The following NKAIN2 variants were observed in gnomAD, a reference collection of about 807,000 sequenced individuals.
NKAIN2 encodes the protein sodium/potassium transporting ATPase interacting 2, also known as sodium/potassium-transporting ATPase subunit beta-1-interacting protein 2.
Under a neutral mutation model 32.6 loss-of-function variants are expected in NKAIN2, and 14 were observed. The ratio of observed to expected loss-of-function variants is 0.43; its 90% confidence interval spans 0.28 to 0.67. The LOEUF is 0.67. Ranked by LOEUF, NKAIN2 falls within the 30% of genes least tolerant of loss-of-function variation. The pLI, the probability that NKAIN2 is intolerant of heterozygous loss-of-function variation, is 0.17. For missense variants in NKAIN2, 198 were observed against 258.3 expected (o/e 0.77, Z 1.60); for synonymous variants, 80 against 87.2 (o/e 0.92, Z 0.46).
intron 2 of NKAIN2, among the ~76,000 whole-genome samples, chr6:124,295,152 G>A (rs2114958965): frequency 6.6e-6 from 1 of 152,208 alleles, no homozygotes; most frequent in East Asian, 1.9e-4. Context: ...AGTGTTTGAT[G>A]GGGAGTTTCT....
intron 2 of NKAIN2, among the ~76,000 whole-genome samples, chr6:124,290,935 G>A (rs1213098780): frequency 1.3e-5 from 2 of 151,980 alleles, no homozygotes; most frequent in Non-Finnish European, 2.9e-5. Flanking sequence ...TTACTCCGAT[G>A]TCAACTGTTT....
chr6:124,209,486 C>T (rs764714179), intron 1 of NKAIN2, among the ~76,000 whole-genome samples: 17 of 151,718 alleles, frequency 1.1e-4, no homozygotes, highest in South Asian at 6.2e-4. Context: ...ATTTCTGGAT[C>T]GTATGTTAGT....
chr6:124,633,739 G>A (rs565286315), intron 3 of NKAIN2, among the ~76,000 whole-genome samples: 21 of 152,170 alleles, frequency 1.4e-4, no homozygotes, highest in Non-Finnish European at 2.2e-4. Flanking sequence ...AAAATCTTTG[G>A]AGCCCAGTAC....
At chr6:124,524,229 A>C (rs1779226857) in intron 3 of NKAIN2, among the ~76,000 whole-genome samples, 2 of 152,226 alleles carry the variant, frequency 1.3e-5, no homozygotes, top group South Asian at 4.1e-4. Context: ...ACAAATTTAT[A>C]AGAAATGCAC....
chr6:124,292,020 C>G (rs1795836176), intron 2 of NKAIN2, among the ~76,000 whole-genome samples: 1 of 152,238 alleles, frequency 6.6e-6, no homozygotes, highest in East Asian at 1.9e-4. Flanking sequence ...ATTCTTGATG[C>G]TTTTCAACAT....
chr6:124,404,132 C>A (rs1773743233), intron 3 of NKAIN2, among the ~76,000 whole-genome samples: 1 of 151,950 alleles, frequency 6.6e-6, no homozygotes, highest in Admixed American at 6.6e-5. Flanking sequence ...TAATTTTTAT[C>A]ATCCTTCATC....
At chr6:124,670,225 T>G (rs1355351576) in intron 4 of NKAIN2, among the ~76,000 whole-genome samples, 5 of 152,114 alleles carry the variant, frequency 3.3e-5, no homozygotes, top group African/African-American at 1.2e-4. Flanking sequence ...ATCCATTCGA[T>G]TATAAAACCT....
At chr6:124,000,586 T>A (rs966702521) in intron 1 of NKAIN2, among the ~76,000 whole-genome samples, 2 of 152,054 alleles carry the variant, frequency 1.3e-5, no homozygotes, top group African/African-American at 2.4e-5. Context: ...TTATTTTAAC[T>A]CTGTGGATAA....
chr6:123,828,967 A>G (rs1419931767), intron 1 of NKAIN2: 1 of 152,118 alleles, frequency 6.6e-6, no homozygotes, highest in Non-Finnish European at 1.5e-5. Context: ...TGTCCTCCAA[A>G]CTATGCCTGG....
At chr6:124,321,779 C>T (rs2115026447) in intron 2 of NKAIN2, among the ~76,000 whole-genome samples, 1 of 152,232 alleles carries the variant, frequency 6.6e-6, no homozygotes, top group South Asian at 2.1e-4. Flanking sequence ...TTCCTTGGTG[C>T]AGCCATTTAG....
At chr6:124,472,211 G>GA (rs1777002912) in intron 3 of NKAIN2, among the ~76,000 whole-genome samples, 1 of 152,128 alleles carries the variant, frequency 6.6e-6, no homozygotes, top group East Asian at 1.9e-4. Flanking sequence ...AGGCCTTGCT[G>GA]AAAGGATACA....
intron 1 of NKAIN2, among the ~76,000 whole-genome samples, chr6:124,116,233 T>C (rs902488666): frequency 2.6e-5 from 4 of 152,086 alleles, no homozygotes; most frequent in African/African-American, 7.2e-5. Flanking sequence ...CCATGTATCC[T>C]AATTACTCCA....
chr6:123,932,707 G>A (rs550836175), intron 1 of NKAIN2, among the ~76,000 whole-genome samples: 22 of 151,514 alleles, frequency 1.5e-4, no homozygotes, highest in Non-Finnish European at 2.8e-4. Flanking sequence ...GTGAGCCACC[G>A]CGCCCAGCCT....
At chr6:124,315,647 C>G (rs1464949561) in intron 2 of NKAIN2, among the ~76,000 whole-genome samples, 1 of 152,024 alleles carries the variant, frequency 6.6e-6, no homozygotes, top group African/African-American at 2.4e-5. Context: ...GTCGAATCTC[C>G]AGATATAAAT....
At chr6:124,781,926 C>T (rs1260506013) in intron 4 of NKAIN2, among the ~76,000 whole-genome samples, 1 of 152,126 alleles carries the variant, frequency 6.6e-6, no homozygotes, top group East Asian at 1.9e-4. Flanking sequence ...CTTCCCCAAT[C>T]CACATTTTAT....
intron 3 of NKAIN2, among the ~76,000 whole-genome samples, chr6:124,384,656 T>C (rs1348054880): frequency 6.9e-6 from 1 of 145,280 alleles, no homozygotes. Flanking sequence ...GGTCTTTATT[T>C]GTCACCTATG....
chr6:124,503,149 T>C (rs1268065925), intron 3 of NKAIN2, among the ~76,000 whole-genome samples: 1 of 152,156 alleles, frequency 6.6e-6, no homozygotes, highest in Non-Finnish European at 1.5e-5. Context: ...CTGCACAAGA[T>C]AGTTGGTATT....
intron 4 of NKAIN2, among the ~76,000 whole-genome samples, chr6:124,781,486 G>C (rs1001173990): frequency 7.9e-5 from 12 of 152,174 alleles, no homozygotes; most frequent in South Asian, 6.2e-4. Context: ...AGGATGTGAG[G>C]GGTTGGTTAG....
At chr6:124,407,828 C>A (rs1773939525) in intron 3 of NKAIN2, among the ~76,000 whole-genome samples, 1 of 150,114 alleles carries the variant, frequency 6.7e-6, no homozygotes, top group Non-Finnish European at 1.5e-5. Flanking sequence ...TAAAAGTGTT[C>A]CTATTTCTCC....
Sources: allele counts gnomAD v4.1 joint callset (sites outside exome capture counted in the v4.1 genomes callset), GRCh38; gene constraint gnomAD v4.1.1; transcripts MANE v1.5; gene names NCBI Gene and HGNC (gene_info 2026-07-23, HGNC 2026-07-21).